The following GPC5 variants were observed in gnomAD, a reference collection of about 807,000 sequenced individuals.
GPC5 encodes glypican-5.
Under a neutral mutation model 53.9 loss-of-function variants are expected in GPC5, and 47 were observed. The observed-to-expected ratio is 0.87, with a 90% confidence interval of 0.69 to 1.11. GPC5 has a LOEUF of 1.11. Among genes scored for constraint, GPC5 ranks in the 50% most tolerant of loss-of-function variants. GPC5 has a pLI of 0.00. For missense variants in GPC5, 748 were observed against 713.1 expected (o/e 1.05, Z -0.56); for synonymous variants, 286 against 263.3 (o/e 1.09, Z -0.84).
rs187826116 is a variant in GPC5 at position 91,978,205 on chromosome 13, A to T, written c.1401+70148A>T. On this transcript the variant is annotated intron_variant, in intron 6 of 7. Transcript: ENST00000377067. ...TCAGGCCCAGCTGAAAGCTAAGGAG[A>T]TAGAGGTACAATTTTGCCTCCTCAA... Among the ~76,000 whole-genome samples, 226 of 152,324 alleles carry T rather than the reference A, an allele frequency of 1.5e-3. 1 individual carries two copies. In the Middle Eastern group the frequency reaches 0.051, roughly 34 times the overall value.
chr13:91,913,098 A>G (rs985167593), intron 6 of GPC5, among the ~76,000 whole-genome samples: 10 of 152,106 alleles, frequency 6.6e-5, no homozygotes, highest in African/African-American at 2.4e-4. Context: ...TAGTTAGAAG[A>G]CAATTTATAA....
intron 7 of GPC5, among the ~76,000 whole-genome samples, chr13:92,692,606 A>G (rs1166298673): frequency 6.6e-6 from 1 of 151,466 alleles, no homozygotes; most frequent in Non-Finnish European, 1.5e-5. Context: ...GGTGCAGTAC[A>G]CCAGCATGGC....
At chr13:91,674,553 GTA>G (rs1445257983) in intron 2 of GPC5, among the ~76,000 whole-genome samples, 4 of 147,140 alleles carry the variant, frequency 2.7e-5, no homozygotes, top group South Asian at 2.1e-4. Flanking sequence ...ATATATATGC[GTA>G]TGTGTATATA....
chr13:92,780,504 G>A (rs1285610163), intron 7 of GPC5, among the ~76,000 whole-genome samples: 1 of 151,824 alleles, frequency 6.6e-6, no homozygotes, highest in African/African-American at 2.4e-5. Flanking sequence ...TACTTTCTGA[G>A]ACTTTGCGTA....
At chr13:91,879,345 A>G (rs1236633089) in intron 5 of GPC5, among the ~76,000 whole-genome samples, 1 of 152,182 alleles carries the variant, frequency 6.6e-6, no homozygotes, top group Non-Finnish European at 1.5e-5. Flanking sequence ...ACTTTGCTAA[A>G]TTTTATCGGT....
chr13:92,083,436 A>G (rs2041312088), intron 6 of GPC5, among the ~76,000 whole-genome samples: 1 of 152,098 alleles, frequency 6.6e-6, no homozygotes, highest in Non-Finnish European at 1.5e-5. Flanking sequence ...TAGAGTCAGG[A>G]GGTGATTAAA....
intron 7 of GPC5, among the ~76,000 whole-genome samples, chr13:92,673,318 G>C (rs1405695007): frequency 6.8e-6 from 1 of 146,572 alleles, no homozygotes; most frequent in African/African-American, 2.5e-5. Flanking sequence ...ATCTCGCTCT[G>C]TCGCCCAGGC....
intron 7 of GPC5, among the ~76,000 whole-genome samples, chr13:92,518,037 C>T (rs1436736056): frequency 2.0e-5 from 3 of 152,142 alleles, no homozygotes; most frequent in East Asian, 1.9e-4. Context: ...AATGCACAAG[C>T]TTCAGTAGTT....
At chr13:92,129,044 G>T (rs1336572468) in intron 6 of GPC5, among the ~76,000 whole-genome samples, 3 of 152,118 alleles carry the variant, frequency 2.0e-5, no homozygotes, top group Admixed American at 6.5e-5. Flanking sequence ...GAGAGAGCCT[G>T]CCTCAAAAAC....
intron 7 of GPC5, among the ~76,000 whole-genome samples, chr13:92,439,092 C>T (rs1877442053): frequency 6.6e-6 from 1 of 151,938 alleles, no homozygotes; most frequent in Admixed American, 6.6e-5. Flanking sequence ...AAAGCTGTAC[C>T]CTGGGAAGGG....
intron 7 of GPC5, among the ~76,000 whole-genome samples, chr13:92,732,016 C>T (rs911206801): frequency 2.0e-5 from 3 of 151,104 alleles, no homozygotes; most frequent in Non-Finnish European, 1.5e-5. Flanking sequence ...TTCTTTATGT[C>T]TGTGCAAGGA....
rs17299515 is a variant in GPC5 at position 92,576,553 on chromosome 13, A to T, written c.1562-289729A>T. Among the ~76,000 whole-genome samples, 1,133 of 152,302 alleles carry T rather than the reference A, an allele frequency of 7.4e-3. 28 individuals are homozygous for T. Among genetic ancestry groups the T allele is most frequent in the East Asian group, 0.062 (322 of 5,180 alleles). On this transcript the variant is annotated intron_variant, in intron 7 of 7. Coordinates refer to ENST00000377067, the MANE Select transcript of GPC5 (RefSeq NM_004466.6). The stretch of plus-strand genomic sequence containing the variant: ...AATATTGCTTAAATATCCTCCTTTG[A>T]TGTCAGAGCCTGAAAATTAGACATT...
intron 7 of GPC5, among the ~76,000 whole-genome samples, chr13:92,468,664 A>G (rs935921819): frequency 1.5e-4 from 23 of 152,124 alleles, no homozygotes; most frequent in African/African-American, 3.6e-4. Context: ...CATACATAGG[A>G]TTAATGAAAC....
chr13:92,330,168 C>T (rs1271425472), intron 7 of GPC5, among the ~76,000 whole-genome samples: 1 of 152,130 alleles, frequency 6.6e-6, no homozygotes, highest in African/African-American at 2.4e-5. Context: ...GGTTGGTAAA[C>T]TGAGAAGGCT....
At chr13:92,549,289 A>T (rs1459292793) in intron 7 of GPC5, among the ~76,000 whole-genome samples, 2 of 152,144 alleles carry the variant, frequency 1.3e-5, no homozygotes, top group Non-Finnish European at 2.9e-5. Flanking sequence ...GTGTGGCTTA[A>T]TTACTTATTT....
intron 7 of GPC5, among the ~76,000 whole-genome samples, chr13:92,634,096 G>C (rs1885340996): frequency 6.8e-6 from 1 of 147,674 alleles, no homozygotes; most frequent in Non-Finnish European, 1.5e-5. Context: ...TTGTTGCCAT[G>C]AATCTCTCTT....
chr13:92,682,728 C>A (rs764694116), intron 7 of GPC5, among the ~76,000 whole-genome samples: 3 of 152,104 alleles, frequency 2.0e-5, no homozygotes, highest in African/African-American at 7.2e-5. Flanking sequence ...TTATCGGACA[C>A]GGGTTGTATA....
chr13:91,459,785 G>T (rs1881814052), intron 2 of GPC5, among the ~76,000 whole-genome samples: 1 of 152,072 alleles, frequency 6.6e-6, no homozygotes, highest in Non-Finnish European at 1.5e-5. Flanking sequence ...TAACTGTCTG[G>T]CTCTGTAAAG....
intron 2 of GPC5, among the ~76,000 whole-genome samples, chr13:91,609,576 G>A (rs1326741): frequency 0.72 from 109,048 of 151,988 alleles, 40,870 homozygotes; most frequent in East Asian, 0.92. Flanking sequence ...GAATGAAACA[G>A]GATATTCACT....
Sources: allele counts gnomAD v4.1 joint callset (sites outside exome capture counted in the v4.1 genomes callset), GRCh38; gene constraint gnomAD v4.1.1; transcripts MANE v1.5; gene names NCBI Gene and HGNC (gene_info 2026-07-23, HGNC 2026-07-21).